DNAH14: variants seen among roughly 807,000 people sequenced by gnomAD.
The protein encoded by DNAH14 is axonemal beta dynein heavy chain 14.
Under a neutral mutation model 520.9 loss-of-function variants are expected in DNAH14, and 478 were observed. The observed-to-expected ratio is 0.92, with a 90% CI of 0.85 to 0.99. The LOEUF is 0.99. DNAH14 is among the 50% of genes least tolerant of loss of function. The probability of loss-of-function intolerance (pLI) is 0.00; values close to 1 mark genes in which losing one functional copy is unlikely to be tolerated. For missense variants in DNAH14, 4,831 were observed against 5,234.5 expected, an observed-to-expected ratio of 0.92 and a Z score of 2.38; for synonymous variants, 1,581 against 1,757.2, an observed-to-expected ratio of 0.90 and a Z score of 2.51.
chr1:225,146,395 C>T (rs940856686), intron 30 of DNAH14, among the ~76,000 whole-genome samples: 3 of 152,190 alleles, frequency 2.0e-5, no homozygotes, highest in African/African-American at 7.2e-5. Context: ...AGGCACCCCT[C>T]AACTTGCATT....
At position 225,386,765 on chromosome 1, in the gene DNAH14, C is replaced by T. The variant is rs867283131; in HGVS notation, c.13078-1614C>T. 3.1e-4 allele frequency among the ~76,000 whole-genome samples: 47 copies of T among 152,320 alleles called. No homozygotes were observed. The Middle Eastern group carries it at 0.017, about 55-fold the overall frequency. ...TGGAGAGGATGTGGAGAAATAGGAA[C>T]GCTTTTACACTGTTGGTGGGACTGT... On this transcript the variant is annotated intron_variant, in intron 81 of 85. Transcript: ENST00000682510.
intron 43 of DNAH14, among the ~76,000 whole-genome samples, chr1:225,242,986 A>G (rs533711946): frequency 1.3e-5 from 2 of 152,304 alleles, no homozygotes; most frequent in African/African-American, 4.8e-5. Context: ...GTATTTGTTA[A>G]AAGTTCTATT....
chr1:225,198,260 C>T (rs571412630), intron 38 of DNAH14, among the ~76,000 whole-genome samples: 18 of 151,472 alleles, frequency 1.2e-4, no homozygotes, highest in East Asian at 1.9e-4. Flanking sequence ...CTGTGTTGCC[C>T]GGGCTGGAGT....
At chr1:225,087,707 A>G (rs2073967227) in intron 21 of DNAH14, among the ~76,000 whole-genome samples, 2 of 152,210 alleles carry the variant, frequency 1.3e-5, no homozygotes, top group Admixed American at 6.5e-5. Flanking sequence ...TGGAGAACCA[A>G]TGGAGGCTAC....
chr1:225,073,657 A>G (rs3102110), intron 17 of DNAH14, among the ~76,000 whole-genome samples: 121,261 of 149,370 alleles, frequency 0.81, 51,718 homozygotes, highest in Non-Finnish European at 0.96. Flanking sequence ...TGTTGTTTTC[A>G]GTTTTTTGTT....
chr1:225,362,056 A>G (rs1575023157), intron 75 of DNAH14, among the ~76,000 whole-genome samples: 1 of 152,362 alleles, frequency 6.6e-6, no homozygotes, highest in Non-Finnish European at 1.5e-5. Flanking sequence ...CTATTTGTCA[A>G]GTATTGTGCT....
chr1:225,368,826 A>C (rs1387646187), intron 77 of DNAH14, among the ~76,000 whole-genome samples: 2 of 152,308 alleles, frequency 1.3e-5, no homozygotes, highest in East Asian at 1.9e-4. Flanking sequence ...TTTTGAAAAG[A>C]GGCTGTCATA....
At chr1:224,950,843 A>C (rs2060121368) in intron 1 of DNAH14, among the ~76,000 whole-genome samples, 1 of 151,830 alleles carries the variant, frequency 6.6e-6, no homozygotes, top group African/African-American at 2.4e-5. Flanking sequence ...CCAAAAGAAC[A>C]CTATTTTGCT....
Position 225,338,198 on chromosome 1 carries a change from T to A in DNAH14, c.10433+16T>A. On this transcript the variant is annotated intron_variant, in intron 68 of 85. Coordinates refer to ENST00000682510, the MANE Select transcript of DNAH14 (RefSeq NM_001367479.1). ...CAAATTTTAGGTAATGTGCCACAGC[T>A]AAATTGAGTCAAATGTCTATGCTTT... 6.4e-7 allele frequency: 1 copy of A among 1,551,924 alleles called. No individual in the cohort carries two copies. The highest frequency in any genetic ancestry group is 8.7e-7 in the Non-Finnish European group (1 of 1,146,946).
chr1:225,023,827 GC>G lies in DNAH14; in HGVS notation c.1322del (p.Pro441HisfsTer48). ...AATTATTTAATGGTTCTGCTGGAAT[GC>G]CATTTTCAGTGGAAAAAAAGAATGA... ...LELFNGSAGM[P>X]FSVEKKNENL... On this transcript the variant is annotated frameshift_variant, in exon 11 of 86. Coordinates refer to ENST00000682510, the MANE Select transcript of DNAH14 (RefSeq NM_001367479.1). LOFTEE classifies it high-confidence loss of function. 1 of 1,537,056 alleles carries G rather than the reference GC, an allele frequency of 6.5e-7. No individual in the cohort carries two copies. The highest frequency in any genetic ancestry group is 8.8e-7 in the Non-Finnish European group (1 of 1,140,024).
chr1:225,077,513 A>C (rs2072449378), intron 17 of DNAH14, among the ~76,000 whole-genome samples: 1 of 151,986 alleles, frequency 6.6e-6, no homozygotes, highest in African/African-American at 2.4e-5. Flanking sequence ...TGGGCATTTA[A>C]TTAGTATTTG....
chr1:225,012,408 G>A (rs111862721), intron 10 of DNAH14, among the ~76,000 whole-genome samples: 8,000 of 151,852 alleles, frequency 0.053, 321 homozygotes, highest in Non-Finnish European at 0.077. Context: ...TAACCTTGGT[G>A]AATCTGATGA....
At chr1:225,013,551 C>T (rs2064975371) in intron 10 of DNAH14, among the ~76,000 whole-genome samples, 1 of 152,194 alleles carries the variant, frequency 6.6e-6, no homozygotes, top group Non-Finnish European at 1.5e-5. Context: ...GAAGCTCTCC[C>T]ACAGCCACCC....
At position 225,380,155 on chromosome 1, in the gene DNAH14, G is replaced by T; in HGVS notation, c.12717-4G>T. On this transcript the variant is annotated splice_polypyrimidine_tract_variant and splice_region_variant and intron_variant, in intron 79 of 85. Transcript: ENST00000682510. ...TCTCATTCTTCTCTTGGTTTTTTTT[G>T]CAGACCTGAGCAGAGTAAGGATGAA... 2.0e-6 allele frequency: 3 copies of T among 1,533,158 alleles called. No homozygotes were observed. Among genetic ancestry groups the T allele is most frequent in the Admixed American group, 4.3e-5 (2 of 46,232 alleles). The allele number at this position is 1,533,158 out of a possible 1,614,324, so 95.0% of individuals were successfully genotyped here.
chr1:225,063,697 G>A (rs1216856939), intron 17 of DNAH14, among the ~76,000 whole-genome samples: 1 of 152,048 alleles, frequency 6.6e-6, no homozygotes, highest in Non-Finnish European at 1.5e-5. Flanking sequence ...AGTTCTATGG[G>A]AAATGAGAAG....
At position 225,134,741 on chromosome 1, in the gene DNAH14, A is replaced by G. The variant is rs549729239; in HGVS notation, c.4255-6027A>G. Among the ~76,000 whole-genome samples the G allele has an allele frequency of 2.0e-5, 3 of 152,294 alleles. No individual in the cohort carries two copies. In the South Asian group the frequency reaches 6.2e-4, roughly 32 times the overall value. ...ATCAGGATGATGCTGGCCTCATAGA[A>G]TGAGTTAGGAAAGAGTCCTTCCTCT... On this transcript the variant is annotated intron_variant, in intron 27 of 85. Coordinates refer to ENST00000682510, the MANE Select transcript of DNAH14 (RefSeq NM_001367479.1).
rs568446719 is a variant in DNAH14, at chr1:224,972,426, C to G, written c.768-1665C>G. 2.6e-5 allele frequency among the ~76,000 whole-genome samples: 4 copies of G among 151,366 alleles called. No homozygotes were observed. In the South Asian group the frequency reaches 8.3e-4, roughly 32 times the overall value. Reference sequence around the variant, plus strand: ...TCAGGCCATTCTCCTGCCTCAGCCTCCCAAGTAGCTGGGACTACAGATGCC... The same window carrying G: ...TCAGGCCATTCTCCTGCCTCAGCCTGCCAAGTAGCTGGGACTACAGATGCC... On this transcript the variant is annotated intron_variant, in intron 7 of 85. Coordinates refer to ENST00000682510, the MANE Select transcript of DNAH14 (RefSeq NM_001367479.1).
Position 225,002,814 on chromosome 1 carries a change from G to T in DNAH14, c.862G>T (p.Asp288Tyr). 6.5e-7 allele frequency: 1 copy of T among 1,548,658 alleles called. No homozygotes were observed. The highest frequency in any genetic ancestry group is 2.0e-5 in the Admixed American group (1 of 50,520). ...SFLYHHLFLA[D>Y]DLFQTCLVYI... ...TTTGTACCACCATCTTTTTTTGGCT[G>T]ATGACTTGTTTCAAACCTGTTTGGT... Residue 288 changes from aspartate (D) to tyrosine (Y), a missense_variant, in exon 9 of 86, where the codon GAT (aspartate) becomes TAT (tyrosine). Physicochemically the swap from Asp to Tyr is radical, Grantham distance 160. Coordinates refer to ENST00000682510, the MANE Select transcript of DNAH14 (RefSeq NM_001367479.1).
At chr1:225,321,978 A>G (rs1308306151) in intron 61 of DNAH14, among the ~76,000 whole-genome samples, 1 of 151,912 alleles carries the variant, frequency 6.6e-6, no homozygotes, top group Non-Finnish European at 1.5e-5. Context: ...ACACATGTAC[A>G]GTGTCTCTGT....
Sources: allele counts gnomAD v4.1 joint callset (sites outside exome capture counted in the v4.1 genomes callset), GRCh38; gene constraint gnomAD v4.1.1; transcripts MANE v1.5; gene names NCBI Gene and HGNC (gene_info 2026-07-23, HGNC 2026-07-21).